GRM8: variants seen among roughly 807,000 people sequenced by gnomAD.
The protein encoded by GRM8 is glutamate metabotropic receptor 8, also known as metabotropic glutamate receptor 8.
GRM8 carries 47 observed loss-of-function variants against 87.2 expected under a neutral mutation model. That is an observed-to-expected ratio of 0.54 (90% CI 0.43 to 0.69). The LOEUF (loss-of-function observed/expected upper bound fraction) is 0.69, where lower values mean the gene tolerates loss of function less well. Among genes scored for constraint, GRM8 ranks in the 30% least tolerant of loss-of-function variants. The probability of loss-of-function intolerance (pLI) is 0.00; values close to 1 mark genes in which losing one functional copy is unlikely to be tolerated. For missense variants in GRM8, 1,019 were observed against 1,139.2 expected, an observed-to-expected ratio of 0.89 and a Z score of 1.52; for synonymous variants, 396 against 404.5, an observed-to-expected ratio of 0.98 and a Z score of 0.25.
At chr7:126,491,231 AT>A (rs773422851) in intron 9 of GRM8, among the ~76,000 whole-genome samples, 6 of 152,052 alleles carry the variant, frequency 3.9e-5, no homozygotes, top group Non-Finnish European at 5.9e-5. Flanking sequence ...GTTATATACT[AT>A]TTCACAGAAA....
chr7:127,078,908 C>A (rs950873225), intron 3 of GRM8, among the ~76,000 whole-genome samples: 1 of 152,034 alleles, frequency 6.6e-6, no homozygotes, highest in Non-Finnish European at 1.5e-5. Context: ...GATAAACAAT[C>A]GGTTGGTGAG....
At chr7:127,009,238 C>T (rs1402074718) in intron 3 of GRM8, among the ~76,000 whole-genome samples, 2 of 152,020 alleles carry the variant, frequency 1.3e-5, no homozygotes, top group African/African-American at 4.8e-5. Flanking sequence ...TGATCTTTAT[C>T]AACATTAAGA....
At chr7:126,880,658 T>C (rs1208532945) in intron 6 of GRM8, among the ~76,000 whole-genome samples, 2 of 152,236 alleles carry the variant, frequency 1.3e-5, no homozygotes, top group Non-Finnish European at 2.9e-5. Context: ...AGAATGCAAA[T>C]TCCAATAGTA....
intron 7 of GRM8, among the ~76,000 whole-genome samples, chr7:126,668,015 G>C (rs1585440788): frequency 6.6e-6 from 1 of 152,122 alleles, no homozygotes; most frequent in Non-Finnish European, 1.5e-5. Flanking sequence ...GACAGCGAAG[G>C]GGTGCCTGGA....
At chr7:127,170,601 C>A (rs1223784807) in intron 2 of GRM8, among the ~76,000 whole-genome samples, 1 of 152,146 alleles carries the variant, frequency 6.6e-6, no homozygotes, top group African/African-American at 2.4e-5. Context: ...AAATCCCCAT[C>A]AATCAATGAG....
intron 9 of GRM8, among the ~76,000 whole-genome samples, chr7:126,479,605 G>A (rs1441507504): frequency 1.3e-5 from 2 of 151,994 alleles, no homozygotes; most frequent in African/African-American, 4.8e-5. Context: ...AAACCACCTT[G>A]TGTTTATCCA....
At chr7:126,599,722 A>G (rs542645090) in intron 8 of GRM8, among the ~76,000 whole-genome samples, 5 of 152,288 alleles carry the variant, frequency 3.3e-5, no homozygotes, top group African/African-American at 1.2e-4. Context: ...GTGAATGCTG[A>G]TCATACTTTG....
chr7:126,901,963 T>TC (rs1405297219), intron 6 of GRM8, among the ~76,000 whole-genome samples: 1 of 152,134 alleles, frequency 6.6e-6, no homozygotes, highest in Admixed American at 6.5e-5. Context: ...GAGTTTTTTT[T>TC]CTATGTGCAC....
chr7:127,217,081 T>C (rs574128117), intron 2 of GRM8, among the ~76,000 whole-genome samples: 1 of 152,214 alleles, frequency 6.6e-6, no homozygotes, highest in African/African-American at 2.4e-5. Context: ...ACCTGGCATA[T>C]GTAATGGGTG....
intron 9 of GRM8, among the ~76,000 whole-genome samples, chr7:126,518,731 T>C (rs1038513092): frequency 1.3e-5 from 2 of 152,078 alleles, no homozygotes; most frequent in East Asian, 3.9e-4. Context: ...ATAATCTTCA[T>C]GTGCATTTGC....
At chr7:126,570,172 C>A (rs1398741251) in intron 8 of GRM8, among the ~76,000 whole-genome samples, 1 of 152,128 alleles carries the variant, frequency 6.6e-6, no homozygotes, top group Non-Finnish European at 1.5e-5. Context: ...TCCTTCTCAT[C>A]TTGTTTATTT....
intron 2 of GRM8, among the ~76,000 whole-genome samples, chr7:127,158,828 C>T (rs1222892796): frequency 6.6e-6 from 1 of 151,808 alleles, no homozygotes; most frequent in African/African-American, 2.4e-5. Flanking sequence ...GCTGAATATG[C>T]TCTCCTGGTC....
At chr7:127,146,110 C>T (rs1047622109) in intron 2 of GRM8, among the ~76,000 whole-genome samples, 1 of 151,940 alleles carries the variant, frequency 6.6e-6, no homozygotes, top group African/African-American at 2.4e-5. Context: ...GAGACAAATA[C>T]TCTGTGTATT....
At chr7:127,057,487 A>G (rs1036535728) in intron 3 of GRM8, among the ~76,000 whole-genome samples, 8 of 152,188 alleles carry the variant, frequency 5.3e-5, no homozygotes, top group Non-Finnish European at 1.2e-4. Context: ...AAGCATCCTC[A>G]TCATTTTAAA....
At chr7:126,820,373 G>A (rs1416538816) in intron 6 of GRM8, among the ~76,000 whole-genome samples, 1 of 152,104 alleles carries the variant, frequency 6.6e-6, no homozygotes, top group Non-Finnish European at 1.5e-5. Context: ...ACTAATCAAA[G>A]AAATCCAAAT....
At chr7:126,769,823 G>A in intron 7 of GRM8, 42 bp downstream of exon 7, 2 of 1,316,358 alleles carry the variant, frequency 1.5e-6, no homozygotes, top group South Asian at 1.2e-5. Flanking sequence ...AACACACCCT[G>A]TCGCTTTTAA....
intron 7 of GRM8, among the ~76,000 whole-genome samples, chr7:126,694,283 A>G (rs1809143163): frequency 6.6e-6 from 1 of 152,190 alleles, no homozygotes. Flanking sequence ...TGTTAGAATT[A>G]AATGAAACTG....
At chr7:126,784,707 G>A (rs1367793303) in intron 6 of GRM8, among the ~76,000 whole-genome samples, 1 of 152,144 alleles carries the variant, frequency 6.6e-6, no homozygotes, top group Non-Finnish European at 1.5e-5. Context: ...CATAATGCTT[G>A]TAATCACTCT....
At chr7:126,626,325 G>T (rs1218119689) in intron 7 of GRM8, among the ~76,000 whole-genome samples, 1 of 152,056 alleles carries the variant, frequency 6.6e-6, no homozygotes, top group East Asian at 1.9e-4. Context: ...AAAGTTATTA[G>T]TTTACATTTT....
Sources: gnomAD v4.1 joint callset for allele counts (sites outside exome capture counted in the v4.1 genomes callset) on GRCh38, gnomAD v4.1.1 for gene constraint, MANE v1.5 for transcripts, NCBI Gene and HGNC (gene_info 2026-07-23, HGNC 2026-07-21) for gene names.